The following BCAS3 variants were observed in gnomAD, a reference collection of about 807,000 sequenced individuals.
The protein encoded by BCAS3 is BCAS4/BCAS3 fusion.
BCAS3 carries 53 observed loss-of-function variants against 116.1 expected under a neutral mutation model. The ratio of observed to expected loss-of-function variants is 0.46; its 90% CI spans 0.37 to 0.57. The LOEUF is 0.57. Among genes scored for constraint, BCAS3 ranks in the 20% least tolerant of loss-of-function variants. The pLI, the probability that BCAS3 is intolerant of heterozygous loss-of-function variation, is 0.00. For missense variants in BCAS3, 917 were observed against 1,165.4 expected (o/e 0.79, Z 3.10); for synonymous variants, 391 against 408.2 (o/e 0.96, Z 0.51).
At chr17:61,371,142 A>G (rs2059022018) in intron 23 of BCAS3, among the ~76,000 whole-genome samples, 1 of 152,256 alleles carries the variant, frequency 6.6e-6, no homozygotes. Context: ...AATGAAGCAC[A>G]GAGAGCAACT....
At chr17:60,880,887 T>C (rs1243888101) in intron 9 of BCAS3, among the ~76,000 whole-genome samples, 1 of 152,232 alleles carries the variant, frequency 6.6e-6, no homozygotes, top group Non-Finnish European at 1.5e-5. Flanking sequence ...GATATGTCAC[T>C]TATCAGATAT....
Position 61,105,012 on chromosome 17 carries a change from G to C in BCAS3, c.2425+20448G>C, listed in dbSNP as rs1052505777. On this transcript the variant is annotated intron_variant, in intron 22 of 23. Coordinates refer to ENST00000407086, the MANE Select transcript of BCAS3 (RefSeq NM_017679.5). This position sits in a 1 kb window ranked among gnomAD's most constrained non-coding sequence, Gnocchi z 4.3. ...ACAAGCTGTGTAATACATACTTCAG[G>C]TAACCTCCGTGGGTTTCCTCACTGC... 6.6e-6 allele frequency among the ~76,000 whole-genome samples: 1 copy of C among 152,154 alleles called. No individual in the cohort carries two copies. The highest frequency in any genetic ancestry group is 1.5e-5 in the Non-Finnish European group (1 of 68,036).
intron 22 of BCAS3, among the ~76,000 whole-genome samples, chr17:61,260,911 T>C (rs2049148201): frequency 1.3e-5 from 2 of 152,210 alleles, no homozygotes; most frequent in South Asian, 2.1e-4. Context: ...TCTACTCTAG[T>C]GTACTGTTAC....
intron 8 of BCAS3, among the ~76,000 whole-genome samples, chr17:60,870,297 G>T (rs979277930): frequency 2.6e-5 from 4 of 152,180 alleles, no homozygotes; most frequent in Non-Finnish European, 2.9e-5. Context: ...TATGACAAGA[G>T]TGTATGATAT....
At position 61,130,024 on chromosome 17, in the gene BCAS3, G is replaced by A. The variant is rs1452475835; in HGVS notation, c.2425+45460G>A. Reference sequence around the variant, plus strand: ...GCTTTTTGTTTATAAAGGCAATGTTGTATTCCACAGCATCATTACACACTG... The same window carrying A: ...GCTTTTTGTTTATAAAGGCAATGTTATATTCCACAGCATCATTACACACTG... On this transcript the variant is annotated intron_variant, in intron 22 of 23. Coordinates refer to ENST00000407086, the MANE Select transcript of BCAS3 (RefSeq NM_017679.5). This position sits in a 1 kb window ranked among gnomAD's most constrained non-coding sequence, Gnocchi z 5.0. 6.6e-6 allele frequency among the ~76,000 whole-genome samples: 1 copy of A among 152,162 alleles called. No homozygotes were observed. Among genetic ancestry groups the A allele is most frequent in the Non-Finnish European group, 1.5e-5 (1 of 68,024 alleles).
At chr17:60,795,607 C>T (rs1398079262) in intron 6 of BCAS3, among the ~76,000 whole-genome samples, 2 of 152,070 alleles carry the variant, frequency 1.3e-5, no homozygotes, top group African/African-American at 4.8e-5. Context: ...GATGATTTTG[C>T]CAAGAGTTCT....
intron 5 of BCAS3, among the ~76,000 whole-genome samples, chr17:60,742,801 G>GA (rs2041693357): frequency 6.6e-6 from 1 of 151,664 alleles, no homozygotes; most frequent in African/African-American, 2.4e-5. Context: ...TCCATGAACA[G>GA]TAGTACAATG....
chr17:60,842,349 A>G (rs2052022168), intron 7 of BCAS3, among the ~76,000 whole-genome samples: 1 of 152,176 alleles, frequency 6.6e-6, no homozygotes. Context: ...TTGGTGAATT[A>G]GGATACTTAT....
At chr17:60,914,967 G>A (rs1401237259) in intron 12 of BCAS3, among the ~76,000 whole-genome samples, 2 of 152,054 alleles carry the variant, frequency 1.3e-5, no homozygotes, top group Non-Finnish European at 1.5e-5. Flanking sequence ...AACATGAGTT[G>A]TTCAGAGGTC....
intron 22 of BCAS3, among the ~76,000 whole-genome samples, chr17:61,255,687 T>A (rs2144566027): frequency 6.6e-6 from 1 of 152,362 alleles, no homozygotes; most frequent in Non-Finnish European, 1.5e-5. Flanking sequence ...TCTTATTCTT[T>A]TGGAAGCCTA....
chr17:60,916,072 C>G (rs1196142251), intron 12 of BCAS3, among the ~76,000 whole-genome samples: 1 of 152,148 alleles, frequency 6.6e-6, no homozygotes, highest in Admixed American at 6.5e-5. Context: ...GACATTTGCA[C>G]TGTTTCTAGC....
rs188536179 is a variant in BCAS3 at position 61,013,605 on chromosome 17, T to C, written c.1487-2146T>C. ...TAAATCATCTTGTGTGTATTGTGAA[T>C]TCTGTCTTTTGTTATTCCTGCAACA... On this transcript the variant is annotated intron_variant, in intron 15 of 23. Coordinates refer to ENST00000407086, the MANE Select transcript of BCAS3 (RefSeq NM_017679.5). The surrounding 1 kb of genome is among the most constrained non-coding windows in gnomAD (Gnocchi z 4.4). Among the ~76,000 whole-genome samples, 1 of 152,238 alleles carries C rather than the reference T, an allele frequency of 6.6e-6. No homozygotes were observed. Among genetic ancestry groups the C allele is most frequent in the Admixed American group, 6.5e-5 (1 of 15,286 alleles).
rs917397711 is a variant in BCAS3 at position 61,241,194 on chromosome 17, T to C, written c.2426-127133T>C. On this transcript the variant is annotated intron_variant, in intron 22 of 23. Transcript: ENST00000407086. The surrounding 1 kb of genome is among the most constrained non-coding windows in gnomAD (Gnocchi z 4.6). Reference sequence around the variant, plus strand: ...AGAGGCTTGACTATTTGAATGTGATTGCAAAAGTCAGTGAGGACTCTGTTA... The same window carrying C: ...AGAGGCTTGACTATTTGAATGTGATCGCAAAAGTCAGTGAGGACTCTGTTA... Among the ~76,000 whole-genome samples, 17 of 152,200 alleles carry C rather than the reference T, an allele frequency of 1.1e-4. No homozygotes were observed. The highest frequency in any genetic ancestry group is 3.3e-4 in the Admixed American group (5 of 15,280).
chr17:61,027,834 G>A (rs543637822), intron 16 of BCAS3, among the ~76,000 whole-genome samples: 1 of 151,882 alleles, frequency 6.6e-6, no homozygotes, highest in African/African-American at 2.4e-5. Context: ...ACAGTGCCTG[G>A]CACATAGTAA....
At chr17:61,345,074 G>A (rs574157095) in intron 22 of BCAS3, among the ~76,000 whole-genome samples, 5 of 152,206 alleles carry the variant, frequency 3.3e-5, no homozygotes, top group South Asian at 2.1e-4. Context: ...CCTCCACCTC[G>A]GGATGCCACT....
At chr17:61,236,108 C>T (rs915928947) in intron 22 of BCAS3, among the ~76,000 whole-genome samples, 7 of 152,048 alleles carry the variant, frequency 4.6e-5, no homozygotes, top group Non-Finnish European at 5.9e-5. Flanking sequence ...TTTTTATCTC[C>T]GCAGGACTCA....
At chr17:60,941,149 C>T (rs992382668) in intron 13 of BCAS3, among the ~76,000 whole-genome samples, 1 of 152,210 alleles carries the variant, frequency 6.6e-6, no homozygotes, top group African/African-American at 2.4e-5. Flanking sequence ...GGAGAGGAAG[C>T]TTCCAGATAA....
intron 14 of BCAS3, among the ~76,000 whole-genome samples, chr17:60,988,446 A>G (rs559613495): frequency 8.7e-5 from 13 of 149,064 alleles, no homozygotes; most frequent in Non-Finnish European, 1.8e-4. Context: ...ATTCTTCTCA[A>G]TAGTTGGAGT....
rs534027409 is a variant in BCAS3, at chr17:61,154,930, G to A, written c.2425+70366G>A. 3.2e-3 allele frequency among the ~76,000 whole-genome samples: 489 copies of A among 150,498 alleles called. 2 individuals carry two copies. The highest frequency in any genetic ancestry group is 0.021 in the Middle Eastern group (6 of 292). On this transcript the variant is annotated intron_variant, in intron 22 of 23. Coordinates refer to ENST00000407086, the MANE Select transcript of BCAS3 (RefSeq NM_017679.5). ...AAATGCAACTGGTTTTTTTTTTTTG[G>A]TGGGGGGTGTTTGGCTTGCAAAAGA...
Sources: gnomAD v4.1 joint callset for allele counts (sites outside exome capture counted in the v4.1 genomes callset) on GRCh38, gnomAD v4.1.1 for gene constraint, Gnocchi (gnomAD v3.1) non-coding constraint, MANE v1.5 for transcripts, NCBI Gene and HGNC (gene_info 2026-07-23, HGNC 2026-07-21) for gene names.